Variants in AKAP6 observed in about 807,000 individuals in gnomAD.
The protein encoded by AKAP6 is A-kinase anchor protein 6.
In AKAP6, 58 loss-of-function variants were observed where a neutral mutation model predicts 188.5. That is an observed-to-expected ratio of 0.31 (90% confidence interval 0.25 to 0.38). The LOEUF is 0.38. AKAP6 is among the 10% of genes least tolerant of loss of function. The pLI is 1.00. For synonymous variants in AKAP6, 989 were observed against 998.6 expected (o/e 0.99, Z 0.18); for missense variants, 2,710 against 2,740.0 (o/e 0.99, Z 0.24).
intron 2 of AKAP6, among the ~76,000 whole-genome samples, chr14:32,510,279 G>A (rs1172346540): frequency 1.3e-5 from 2 of 150,462 alleles, no homozygotes; most frequent in Non-Finnish European, 3.0e-5. Flanking sequence ...GAACAAACAG[G>A]CAAGCAAAAA....
intron 12 of AKAP6, among the ~76,000 whole-genome samples, chr14:32,818,966 T>C (rs2034454145): frequency 6.6e-6 from 1 of 152,210 alleles, no homozygotes; most frequent in Non-Finnish European, 1.5e-5. Context: ...ATTAATATAC[T>C]ATTTGATTAG....
At chr14:32,638,827 A>G (rs1427085921) in intron 7 of AKAP6, among the ~76,000 whole-genome samples, 1 of 151,974 alleles carries the variant, frequency 6.6e-6, no homozygotes, top group Non-Finnish European at 1.5e-5. Context: ...GTTAATATTC[A>G]TAATATATAT....
Position 32,615,591 on chromosome 14 carries a change from C to CTTTTTTTTTTTTTTTTT in AKAP6, c.2730+14805_2730+14821dup, listed in dbSNP as rs779867395. Among the ~76,000 whole-genome samples, 19 of 115,264 alleles carry CTTTTTTTTTTTTTTTTT rather than the reference C, an allele frequency of 1.6e-4. 1 individual carries two copies. Among genetic ancestry groups the CTTTTTTTTTTTTTTTTT allele is most frequent in the African/African-American group, 6.9e-4 (18 of 26,052 alleles). 75.6% of individuals were successfully genotyped at this position (115,264 alleles called of 152,430 possible). ...TGTTTCCCCCAATGCTAAACCATTACTTTTTTTTTTTTTTTTTTTTTTGAG... is the reference window on the plus strand; with the variant it reads ...TGTTTCCCCCAATGCTAAACCATTACTTTTTTTTTTTTTTTTTTTTTTTTTTTTTTTTTTTTTTTGAG... On this transcript the variant is annotated intron_variant, in intron 7 of 13. Transcript: ENST00000280979.
At chr14:32,398,780 T>TTCTCTCTC (rs55959454) in intron 1 of AKAP6, among the ~76,000 whole-genome samples, 15 of 131,298 alleles carry the variant, frequency 1.1e-4, no homozygotes, top group African/African-American at 3.0e-4. Flanking sequence ...TTCTTTTCTT[T>TTCTCTCTC]TCTCTCTCTC....
rs776916951 is a variant in AKAP6 at position 32,822,101 on chromosome 14, A to G, written c.4288A>G (p.Ile1430Val). Reference sequence around the variant, plus strand: ...GCTTCCAAATAGCTCTCAGTCGTCCATTTCACCAGTGGGTTGTGTAAATGG... The same window carrying G: ...GCTTCCAAATAGCTCTCAGTCGTCCGTTTCACCAGTGGGTTGTGTAAATGG... ...IKLPNSSQSSISPVGCVNGKV... is the reference protein window; with the variant it reads ...IKLPNSSQSSVSPVGCVNGKV... Residue 1430 changes from isoleucine to valine, a missense_variant, in exon 13 of 14, where the codon ATT becomes GTT. This residue lies in a region of AKAP6 where 2,473 missense variants were observed against 2,426.1 expected (regional missense o/e 1.02). Transcript: ENST00000280979. The G allele has an allele frequency of 3.7e-6, 6 of 1,613,954 alleles. No individual in the cohort carries two copies. Among genetic ancestry groups the G allele is most frequent in the South Asian group, 1.1e-5 (1 of 91,084 alleles).
intron 2 of AKAP6, among the ~76,000 whole-genome samples, chr14:32,497,161 A>AG (rs1292922598): frequency 2.0e-5 from 3 of 152,088 alleles, no homozygotes; most frequent in Admixed American, 6.6e-5. Flanking sequence ...TCACAGTGTT[A>AG]GGGTCTCTCT....
rs1244359756 is a variant in AKAP6, at chr14:32,822,467, G to A, written c.4654G>A (p.Gly1552Ser). The A allele has an allele frequency of 6.2e-7, 1 of 1,614,004 alleles. No homozygotes were observed. The highest frequency in any genetic ancestry group is 8.5e-7 in the Non-Finnish European group (1 of 1,179,956). ...TGGCAATATAGAAAAGACATTCACT[G>A]GCATGCAGAATGCCAAACAGCTCTC... is the stretch of plus-strand genomic sequence containing the variant. Reference protein sequence around the residue: ...KSGNIEKTFTGMQNAKQLSLL... With the variant: ...KSGNIEKTFTSMQNAKQLSLL... The change falls in exon 13 of 14, where the codon GGC (glycine) becomes AGC (serine). Residue 1552 changes from glycine to serine, a missense_variant. Physicochemically the swap from Gly to Ser is moderately conservative, Grantham distance 56. Transcript: ENST00000280979.
At chr14:32,744,380 A>C (rs747413310) in intron 11 of AKAP6, among the ~76,000 whole-genome samples, 1 of 151,906 alleles carries the variant, frequency 6.6e-6, no homozygotes, top group Non-Finnish European at 1.5e-5. Context: ...GCAGTGGCAC[A>C]ATCTCGGCTC....
chr14:32,493,702 A>T (rs1435311594), intron 2 of AKAP6, among the ~76,000 whole-genome samples: 1 of 152,120 alleles, frequency 6.6e-6, no homozygotes, highest in Admixed American at 6.5e-5. Context: ...AGCTTGCTGA[A>T]CCCAGAAGCA....
At chr14:32,554,771 C>G (rs1883621554) in intron 4 of AKAP6, among the ~76,000 whole-genome samples, 1 of 152,150 alleles carries the variant, frequency 6.6e-6, no homozygotes, top group Admixed American at 6.6e-5. Flanking sequence ...TGGGAGCTGA[C>G]AGAAAGCAGC....
At chr14:32,787,906 A>C (rs930124716) in intron 12 of AKAP6, among the ~76,000 whole-genome samples, 2 of 151,990 alleles carry the variant, frequency 1.3e-5, no homozygotes, top group Non-Finnish European at 2.9e-5. Flanking sequence ...TATTACAGCC[A>C]AAAACAAATG....
intron 9 of AKAP6, among the ~76,000 whole-genome samples, chr14:32,731,174 C>T (rs1046051230): frequency 6.6e-6 from 1 of 152,098 alleles, no homozygotes; most frequent in African/African-American, 2.4e-5. Flanking sequence ...TTACATAATA[C>T]AAGTGATGTG....
chr14:32,375,369 T>C (rs1054756966), intron 1 of AKAP6, among the ~76,000 whole-genome samples: 4 of 152,160 alleles, frequency 2.6e-5, no homozygotes, highest in African/African-American at 9.7e-5. Flanking sequence ...ACATTTCAGG[T>C]ACACATGTTC....
intron 7 of AKAP6, among the ~76,000 whole-genome samples, chr14:32,635,933 T>C (rs1285280386): frequency 6.6e-6 from 1 of 152,054 alleles, no homozygotes; most frequent in Admixed American, 6.6e-5. Flanking sequence ...TTCAATTTAT[T>C]CATTGCTTTA....
chr14:32,426,614 A>AT (rs536442643), intron 1 of AKAP6, among the ~76,000 whole-genome samples: 110 of 152,282 alleles, frequency 7.2e-4, no homozygotes, highest in Non-Finnish European at 1.3e-3. Context: ...CTTAAAGGTG[A>AT]TTTTTAGCAA....
rs185617095 is a variant in AKAP6 at position 32,800,934 on chromosome 14, T to C, written c.3589-20468T>C. ...CAAGAGACAGAGGTGAGAGGATCAC[T>C]TGAGCCCAGGAGGTCCAGGCTGCAG... is the stretch of plus-strand genomic sequence containing the variant. On this transcript the variant is annotated intron_variant, in intron 12 of 13. Transcript: ENST00000280979. Among the ~76,000 whole-genome samples, 393 of 152,242 alleles carry C rather than the reference T, an allele frequency of 2.6e-3. 3 individuals carry two copies. Among genetic ancestry groups the C allele is most frequent in the African/African-American group, 9.1e-3 (377 of 41,566 alleles).
At chr14:32,772,205 T>C (rs946597876) in intron 11 of AKAP6, among the ~76,000 whole-genome samples, 1 of 152,186 alleles carries the variant, frequency 6.6e-6, no homozygotes, top group Non-Finnish European at 1.5e-5. Flanking sequence ...GTTTTATCTT[T>C]GAATGTCTTA....
At chr14:32,329,961 A>C (rs17098737) in intron 1 of AKAP6, among the ~76,000 whole-genome samples, 4,525 of 152,224 alleles carry the variant, frequency 0.03, 232 homozygotes, top group African/African-American at 0.1. Context: ...TAAAAGCATA[A>C]AAACCTAAAC....
Position 32,837,183 on chromosome 14 carries a change from AT to A in AKAP6, c.*7383del, listed in dbSNP as rs2034883584. 1 of 152,186 alleles carries A rather than the reference AT, an allele frequency of 6.6e-6. No homozygotes were observed. Among genetic ancestry groups the A allele is most frequent in the Non-Finnish European group, 1.5e-5 (1 of 68,030 alleles). The allele number at this position is 152,186 out of a possible 1,614,324, so 9.4% of individuals were successfully genotyped here. On this transcript the variant is annotated 3_prime_UTR_variant, in exon 14 of 14. Coordinates refer to ENST00000280979, the MANE Select transcript of AKAP6 (RefSeq NM_004274.5). ...AGGATCACCAGATGTAGATTTGGTA[AT>A]TTTTCCATACCATTAAGATGTATGA...
Sources: allele counts gnomAD v4.1 joint callset (sites outside exome capture counted in the v4.1 genomes callset), GRCh38; gene constraint gnomAD v4.1.1; regional missense constraint gnomAD v4.1.1; transcripts MANE v1.5; gene names NCBI Gene and HGNC (gene_info 2026-07-23, HGNC 2026-07-21).